The following ARHGEF7 variants were observed in gnomAD, a reference collection of about 807,000 sequenced individuals.
ARHGEF7 encodes PAK-interacting exchange factor beta.
A neutral mutation model predicts 109.8 loss-of-function variants in ARHGEF7; 33 were observed. The observed-to-expected ratio is 0.30, with a 90% confidence interval of 0.23 to 0.40. The LOEUF is 0.40. ARHGEF7 is among the 10% of genes least tolerant of loss of function. The probability of loss-of-function intolerance (pLI) is 1.00; values close to 1 mark genes in which losing one functional copy is unlikely to be tolerated. For synonymous variants in ARHGEF7, 458 were observed against 424.6 expected (o/e 1.08, Z -0.97); for missense variants, 938 against 1,098.5 (o/e 0.85, Z 2.07).
chr13:111,302,015 T>C (rs996574759), intron 21 of ARHGEF7, among the ~76,000 whole-genome samples: 1 of 152,304 alleles, frequency 6.6e-6, no homozygotes, highest in South Asian at 2.1e-4. Context: ...CTTTTTTTTT[T>C]CTTAACAATA....
At chr13:111,186,319 A>G (rs2079254505) in intron 2 of ARHGEF7, among the ~76,000 whole-genome samples, 1 of 152,140 alleles carries the variant, frequency 6.6e-6, no homozygotes, top group African/African-American at 2.4e-5. Flanking sequence ...TCTCTGTCCT[A>G]GTGTTTGGGT....
intron 2 of ARHGEF7, among the ~76,000 whole-genome samples, chr13:111,167,901 C>T (rs538121385): frequency 1.1e-3 from 164 of 152,296 alleles, no homozygotes; most frequent in African/African-American, 3.7e-3. Flanking sequence ...CGACATAAGG[C>T]GCTTTCCGGA....
intron 5 of ARHGEF7, among the ~76,000 whole-genome samples, chr13:111,225,867 T>C (rs1347671990): frequency 6.6e-6 from 1 of 152,220 alleles, no homozygotes; most frequent in Non-Finnish European, 1.5e-5. Context: ...AACCTTACTA[T>C]GGCCTCTTAA....
intron 1 of ARHGEF7, among the ~76,000 whole-genome samples, chr13:111,147,153 A>G (rs574755497): frequency 2.0e-5 from 3 of 152,222 alleles, no homozygotes; most frequent in Non-Finnish European, 4.4e-5. Context: ...AAATAAAGCT[A>G]TGAACATTGC....
chr13:111,262,953 A>G (rs759939937), intron 8 of ARHGEF7, among the ~76,000 whole-genome samples: 9 of 152,206 alleles, frequency 5.9e-5, no homozygotes, highest in Non-Finnish European at 1.0e-4. Flanking sequence ...CTGCTGCCCA[A>G]GGCCTTGATG....
Position 111,303,200 on chromosome 13 carries a change from C to A in ARHGEF7, c.*87C>A. 1.9e-6 allele frequency: 2 copies of A among 1,041,318 alleles called. No individual in the cohort carries two copies. Among genetic ancestry groups the A allele is most frequent in the Non-Finnish European group, 2.7e-6 (2 of 752,744 alleles). 64.5% of individuals were successfully genotyped at this position (1,041,318 alleles called of 1,614,324 possible). On this transcript the variant is annotated 3_prime_UTR_variant, in exon 22 of 22. Coordinates refer to ENST00000646102, the MANE Select transcript of ARHGEF7 (RefSeq NM_001354046.2). ...CCAAGTCGGGGTGCACTCAGGACCA[C>A]AGGGCAGGGCTGGGTGGGGCGCCAC...
At chr13:111,295,197 G>A (rs748887673) in intron 19 of ARHGEF7, 162 of 985,584 alleles carry the variant, frequency 1.6e-4, no homozygotes, top group Non-Finnish European at 1.8e-4. Context: ...TTGCTAGCCC[G>A]TGGCTTTTAA....
intron 2 of ARHGEF7, among the ~76,000 whole-genome samples, chr13:111,195,058 C>T (rs949381909): frequency 1.3e-5 from 2 of 152,204 alleles, no homozygotes; most frequent in African/African-American, 4.8e-5. Context: ...GGGACTGCTG[C>T]ATTTCCTTAC....
chr13:111,122,891 TG>T (rs2067288631), intron 1 of ARHGEF7, among the ~76,000 whole-genome samples: 1 of 152,170 alleles, frequency 6.6e-6, no homozygotes, highest in African/African-American at 2.4e-5. Flanking sequence ...TGCCCGGTCT[TG>T]GGAGAACCGT....
chr13:111,250,479 C>A (rs563652269), intron 8 of ARHGEF7, among the ~76,000 whole-genome samples: 92 of 152,296 alleles, frequency 6.0e-4, no homozygotes, highest in African/African-American at 1.3e-3. Flanking sequence ...CGAAAGAAAT[C>A]ATATCAGGCA....
At chr13:111,162,204 C>T (rs2076802215) in intron 2 of ARHGEF7, among the ~76,000 whole-genome samples, 1 of 152,234 alleles carries the variant, frequency 6.6e-6, no homozygotes, top group Admixed American at 6.5e-5. Context: ...ATTTTCTTTC[C>T]CTTAGGAAGA....
chr13:111,229,150 C>T (rs758510201), intron 5 of ARHGEF7, among the ~76,000 whole-genome samples: 2 of 152,060 alleles, frequency 1.3e-5, no homozygotes, highest in East Asian at 1.9e-4. Context: ...TGGTTTTGCT[C>T]GGGGCTGGCT....
At position 111,172,682 on chromosome 13, in the gene ARHGEF7, C is replaced by T. The variant is rs575580931; in HGVS notation, c.252+18691C>T. Among the ~76,000 whole-genome samples, 9 of 152,326 alleles carry T rather than the reference C, an allele frequency of 5.9e-5. No homozygotes were observed. In the South Asian group the frequency reaches 1.9e-3, roughly 32 times the overall value. On this transcript the variant is annotated intron_variant, in intron 2 of 21. Transcript: ENST00000646102. ...AACACCCTACAGACTGGGTTAATAG[C>T]AGAGAGAGGGGTCCTGGTGCTGTAA...
Position 111,294,178 on chromosome 13 carries a change from T to C in ARHGEF7, c.2311+1884T>C, listed in dbSNP as rs183126594. 134 of 985,430 alleles carry C rather than the reference T, an allele frequency of 1.4e-4. 1 individual carries two copies. In the African/African-American group the frequency reaches 2.0e-3, roughly 15 times the overall value. The allele number at this position is 985,430 out of a possible 1,614,324, so 61.0% of individuals were successfully genotyped here. On this transcript the variant is annotated intron_variant, in intron 19 of 21. Transcript: ENST00000646102. The stretch of plus-strand genomic sequence containing the variant: ...ATAGTAAATGGGATTTTTGGAGAAA[T>C]AAGATAACTACAAAGTTTCTATACT...
chr13:111,166,414 CA>C (rs2077132025), intron 2 of ARHGEF7, among the ~76,000 whole-genome samples: 1 of 152,112 alleles, frequency 6.6e-6, no homozygotes, highest in African/African-American at 2.4e-5. Context: ...TAAGTTTTAA[CA>C]GGATCATTTT....
chr13:111,290,646 G>T (rs749464681), intron 18 of ARHGEF7, among the ~76,000 whole-genome samples: 1 of 152,190 alleles, frequency 6.6e-6, no homozygotes, highest in Non-Finnish European at 1.5e-5. Context: ...AAGGGGAATG[G>T]CCCACAATTC....
intron 8 of ARHGEF7, among the ~76,000 whole-genome samples, chr13:111,249,899 T>C (rs930933778): frequency 6.6e-6 from 1 of 152,216 alleles, no homozygotes; most frequent in African/African-American, 2.4e-5. Flanking sequence ...TGTTGCACAG[T>C]TCAGTTCCCA....
intron 5 of ARHGEF7, among the ~76,000 whole-genome samples, chr13:111,218,643 A>G (rs1322883029): frequency 1.3e-5 from 2 of 152,226 alleles, no homozygotes; most frequent in African/African-American, 2.4e-5. Context: ...TGGAAAGGAC[A>G]TGATACAAAA....
chr13:111,128,499 GCAAACAAACAAA>G (rs60774287), intron 1 of ARHGEF7, among the ~76,000 whole-genome samples: 11 of 151,880 alleles, frequency 7.2e-5, no homozygotes, highest in South Asian at 2.1e-4. Flanking sequence ...TCTCAAACAA[GCAAACAAACAAA>G]CAAACAAACA....
Sources: allele counts gnomAD v4.1 joint callset (sites outside exome capture counted in the v4.1 genomes callset), GRCh38; gene constraint gnomAD v4.1.1; transcripts MANE v1.5; gene names NCBI Gene and HGNC (gene_info 2026-07-23, HGNC 2026-07-21).